SYT9: variants seen among roughly 807,000 people sequenced by gnomAD.
SYT9 encodes the protein synaptotagmin 9.
SYT9 carries 22 observed loss-of-function variants against 48.4 expected under a neutral mutation model. The ratio of observed to expected loss-of-function variants is 0.45; its 90% CI spans 0.32 to 0.65. The LOEUF is 0.65. SYT9 is among the 30% of genes least tolerant of loss of function. The pLI is 0.03. For missense variants in SYT9, 577 were observed against 622.0 expected (o/e 0.93, Z 0.77); for synonymous variants, 265 against 245.0 (o/e 1.08, Z -0.76).
At chr11:7,260,871 A>G (rs940723969) in intron 1 of SYT9, among the ~76,000 whole-genome samples, 1 of 152,182 alleles carries the variant, frequency 6.6e-6, no homozygotes, top group South Asian at 2.1e-4. Flanking sequence ...ATAATTCCTG[A>G]CTATGCCAAC....
At chr11:7,458,207 G>A (rs1456563454) in intron 6 of SYT9, among the ~76,000 whole-genome samples, 2 of 152,212 alleles carry the variant, frequency 1.3e-5, no homozygotes, top group South Asian at 2.1e-4. Flanking sequence ...AGGGCCGGGT[G>A]CGGTGGCGCA....
At chr11:7,323,559 T>A (rs982837165) in intron 3 of SYT9, among the ~76,000 whole-genome samples, 2 of 152,062 alleles carry the variant, frequency 1.3e-5, no homozygotes, top group African/African-American at 4.8e-5. Flanking sequence ...ATGCTTTGAT[T>A]ATTCATCACT....
chr11:7,418,249 T>A, intron 5 of SYT9, 121 bp downstream of exon 5: 1 of 1,065,068 alleles, frequency 9.4e-7, no homozygotes, highest in Non-Finnish European at 1.4e-6. Context: ...ATGAGTCAAC[T>A]AGCAGTGCAT....
intron 1 of SYT9, among the ~76,000 whole-genome samples, chr11:7,254,639 G>A (rs1847933359): frequency 6.6e-6 from 1 of 152,154 alleles, no homozygotes; most frequent in African/African-American, 2.4e-5. Context: ...GGTTCCTAGA[G>A]AGAGTCATCT....
Position 7,313,653 on chromosome 11 carries a change from T to G in SYT9, c.756T>G (p.Phe252Leu). Residue 252 changes from phenylalanine to leucine, a missense_variant, in exon 3 of 7, where the codon TTT (phenylalanine) becomes TTG (leucine). Coordinates refer to ENST00000318881, the MANE Select transcript of SYT9 (RefSeq NM_175733.4). ...CTGTCAATTTGCCCGCCAAGGACTT[T>G]TCTGGGACTTCAGATCCTTATGTCA... ...HKAVNLPAKD[F>L]SGTSDPYVKI... is the part of the protein sequence containing the mutation. 1 of 1,614,216 alleles carries G rather than the reference T, an allele frequency of 6.2e-7. No homozygotes were observed. Among genetic ancestry groups the G allele is most frequent in the Admixed American group, 1.7e-5 (1 of 60,024 alleles).
intron 6 of SYT9, chr11:7,458,104 A>G (rs1423684413): frequency 6.6e-6 from 1 of 152,248 alleles, no homozygotes; most frequent in East Asian, 1.9e-4. Context: ...TAGGGACAAA[A>G]TAGTCAAAAA....
intron 1 of SYT9, among the ~76,000 whole-genome samples, chr11:7,258,447 A>G (rs765207633): frequency 1.3e-5 from 2 of 152,180 alleles, no homozygotes; most frequent in Non-Finnish European, 2.9e-5. Context: ...GCTTTAGACC[A>G]CATCAAATCC....
Position 7,251,979 on chromosome 11 carries a change from C to G in SYT9, c.-208C>G, listed in dbSNP as rs1013449128. On this transcript the variant is annotated 5_prime_UTR_variant, in exon 1 of 7. Coordinates refer to ENST00000318881, the MANE Select transcript of SYT9 (RefSeq NM_175733.4). ...GGGACCGGGCGGGAGAGAGAGAAAG[C>G]CTGACCGACCGGCTGGCGAAGAGCT... 3 of 474,408 alleles carry G rather than the reference C, an allele frequency of 6.3e-6. No individual in the cohort carries two copies. The highest frequency in any genetic ancestry group is 1.1e-5 in the Non-Finnish European group (3 of 280,676). 29.4% of individuals were successfully genotyped at this position (474,408 alleles called of 1,614,324 possible).
intron 1 of SYT9, among the ~76,000 whole-genome samples, chr11:7,259,323 A>G (rs1848035925): frequency 1.3e-5 from 2 of 152,106 alleles, no homozygotes; most frequent in South Asian, 2.1e-4. Flanking sequence ...ATGACTATGT[A>G]TATTCCAAGA....
chr11:7,404,195 G>A (rs1278857813), intron 3 of SYT9, among the ~76,000 whole-genome samples: 1 of 151,890 alleles, frequency 6.6e-6, no homozygotes, highest in African/African-American at 2.4e-5. Flanking sequence ...GTACATTTAA[G>A]GTAGATTTCT....
In SYT9 at chr11:7,282,902, G is replaced by A. The variant is rs574246735; in HGVS notation, c.146-20137G>A. 1.9e-4 allele frequency among the ~76,000 whole-genome samples: 28 copies of A among 148,852 alleles called. No individual in the cohort carries two copies. The South Asian group carries it at 4.9e-3, about 26-fold the overall frequency. On this transcript the variant is annotated intron_variant, in intron 1 of 6. Transcript: ENST00000318881. ...TAATTATCCAAGTAATATATGCACC[G>A]TGTTAAAACACACACACACACACGC...
intron 3 of SYT9, among the ~76,000 whole-genome samples, chr11:7,394,507 T>A (rs909576972): frequency 4.6e-5 from 7 of 152,204 alleles, no homozygotes; most frequent in African/African-American, 1.7e-4. Flanking sequence ...AAATGGTATT[T>A]CTAGTTCTAG....
At chr11:7,375,317 T>G (rs188100277) in intron 3 of SYT9, among the ~76,000 whole-genome samples, 1 of 152,326 alleles carries the variant, frequency 6.6e-6, no homozygotes, top group East Asian at 1.9e-4. Context: ...TTGGTTACTA[T>G]AGCCTTGTGA....
intron 3 of SYT9, among the ~76,000 whole-genome samples, chr11:7,334,990 C>G (rs1195137366): frequency 6.6e-6 from 1 of 152,110 alleles, no homozygotes; most frequent in African/African-American, 2.4e-5. Context: ...ACATAATGAC[C>G]TAGGAATAGA....
intron 3 of SYT9, among the ~76,000 whole-genome samples, chr11:7,347,794 A>G (rs1408355462): frequency 6.6e-6 from 1 of 152,218 alleles, no homozygotes; most frequent in Non-Finnish European, 1.5e-5. Context: ...GAGTGAGGAC[A>G]GAGCGTGAAA....
intron 3 of SYT9, among the ~76,000 whole-genome samples, chr11:7,319,186 C>T (rs1010934559): frequency 1.2e-3 from 91 of 78,984 alleles, no homozygotes; most frequent in Admixed American, 1.2e-3. Flanking sequence ...TTCTTTTCTT[C>T]TTTTTCTTTT....
chr11:7,329,186 C>T (rs117894356), intron 3 of SYT9, among the ~76,000 whole-genome samples: 1,848 of 152,246 alleles, frequency 0.012, 15 homozygotes, highest in Non-Finnish European at 0.02. Context: ...ATATTTTAGA[C>T]CTATTCACTC....
intron 6 of SYT9, chr11:7,435,595 C>T (rs537548128): frequency 3.3e-5 from 5 of 152,294 alleles, no homozygotes; most frequent in South Asian, 4.1e-4. Flanking sequence ...GTGCTGAGCC[C>T]TGTGCTATAG....
At chr11:7,348,322 C>T (rs77181560) in intron 3 of SYT9, among the ~76,000 whole-genome samples, 3,829 of 152,242 alleles carry the variant, frequency 0.025, 121 homozygotes, top group African/African-American at 0.068. Context: ...GCAAATGTCA[C>T]CTGGCCATCA....
Sources: gnomAD v4.1 joint callset for allele counts (sites outside exome capture counted in the v4.1 genomes callset) on GRCh38, gnomAD v4.1.1 for gene constraint, MANE v1.5 for transcripts, NCBI Gene and HGNC (gene_info 2026-07-23, HGNC 2026-07-21) for gene names.